The following GPR158 variants were observed in gnomAD, a reference collection of about 807,000 sequenced individuals.
GPR158 encodes the protein metabotropic glycine receptor.
GPR158 carries 30 observed loss-of-function variants against 78.2 expected under a neutral mutation model. The ratio of observed to expected loss-of-function variants is 0.38; its 90% CI spans 0.29 to 0.52. The LOEUF is 0.52. Ranked by LOEUF, GPR158 falls within the 20% of genes least tolerant of loss-of-function variation. GPR158 has a pLI of 0.83. For synonymous variants in GPR158, 581 were observed against 591.1 expected (o/e 0.98, Z 0.25); for missense variants, 1,463 against 1,523.5 (o/e 0.96, Z 0.66).
At chr10:25,324,997 T>A (rs758379791) in intron 2 of GPR158, among the ~76,000 whole-genome samples, 1 of 151,384 alleles carries the variant, frequency 6.6e-6, no homozygotes, top group Non-Finnish European at 1.5e-5. Flanking sequence ...CATCACAATA[T>A]CTGACTACTT....
At chr10:25,295,348 G>T (rs1335451654) in intron 2 of GPR158, among the ~76,000 whole-genome samples, 1 of 152,162 alleles carries the variant, frequency 6.6e-6, no homozygotes, top group Non-Finnish European at 1.5e-5. Flanking sequence ...CCATCAGCCA[G>T]AGTAACTGAC....
At chr10:25,289,713 C>T (rs1854407544) in intron 2 of GPR158, among the ~76,000 whole-genome samples, 1 of 152,128 alleles carries the variant, frequency 6.6e-6, no homozygotes, top group African/African-American at 2.4e-5. Context: ...AGCCACCGCG[C>T]CCAGCCGAAC....
intron 3 of GPR158, among the ~76,000 whole-genome samples, chr10:25,404,747 C>T (rs968357241): frequency 6.6e-6 from 1 of 151,986 alleles, no homozygotes; most frequent in East Asian, 1.9e-4. Flanking sequence ...TTTCACATAC[C>T]ATATAGATTT....
intron 2 of GPR158, among the ~76,000 whole-genome samples, chr10:25,368,534 G>A (rs1588828857): frequency 6.6e-6 from 1 of 151,908 alleles, no homozygotes; most frequent in East Asian, 2.0e-4. Context: ...ACCACAGTGA[G>A]ATACCATCTG....
intron 1 of GPR158, among the ~76,000 whole-genome samples, chr10:25,220,656 TAGAA>T (rs1365274553): frequency 1.3e-5 from 2 of 152,160 alleles, no homozygotes; most frequent in African/African-American, 4.8e-5. Flanking sequence ...GAAATAGAAG[TAGAA>T]AGAAATGAAC....
intron 2 of GPR158, among the ~76,000 whole-genome samples, chr10:25,330,859 A>G (rs990430582): frequency 6.6e-6 from 1 of 151,700 alleles, no homozygotes; most frequent in Admixed American, 6.6e-5. Context: ...GCATAATACA[A>G]TGTTTGTTCC....
rs183138669 is a variant in GPR158 at position 25,319,424 on chromosome 10, A to G, written c.1009-76487A>G. On this transcript the variant is annotated intron_variant, in intron 2 of 10. Transcript: ENST00000376351. ...GTGTTAATCTAACACAATGTCTTCT[A>G]CATAATGGGTATTCCATAGGATTTG... 3.4e-3 allele frequency among the ~76,000 whole-genome samples: 513 copies of G among 152,272 alleles called. 3 individuals are homozygous for G. The highest frequency in any genetic ancestry group is 0.011 in the African/African-American group (466 of 41,544).
intron 2 of GPR158, among the ~76,000 whole-genome samples, chr10:25,330,047 G>T (rs1855096672): frequency 6.6e-6 from 1 of 151,586 alleles, no homozygotes; most frequent in South Asian, 2.1e-4. Context: ...AAGTTTTAGG[G>T]TACATGTGCA....
chr10:25,483,881 A>G (rs1057461899), intron 5 of GPR158, among the ~76,000 whole-genome samples: 2 of 152,300 alleles, frequency 1.3e-5, no homozygotes, highest in East Asian at 1.9e-4. Flanking sequence ...TGCTGCATCT[A>G]TTTCCATCAC....
chr10:25,306,565 G>A (rs922596413), intron 2 of GPR158, among the ~76,000 whole-genome samples: 1 of 152,010 alleles, frequency 6.6e-6, no homozygotes, highest in Non-Finnish European at 1.5e-5. Context: ...ATGCATGTAT[G>A]TATATGCACA....
At chr10:25,490,806 C>A (rs986340047) in intron 5 of GPR158, among the ~76,000 whole-genome samples, 1 of 151,166 alleles carries the variant, frequency 6.6e-6, no homozygotes, top group Non-Finnish European at 1.5e-5. Flanking sequence ...GGGTATATAC[C>A]CAGTAATGGG....
At chr10:25,347,856 C>T (rs1489869463) in intron 2 of GPR158, among the ~76,000 whole-genome samples, 1 of 151,842 alleles carries the variant, frequency 6.6e-6, no homozygotes, top group Non-Finnish European at 1.5e-5. Context: ...TACCTGATCA[C>T]AGCCATACAA....
At chr10:25,411,504 G>T (rs927512157) in intron 3 of GPR158, among the ~76,000 whole-genome samples, 1 of 152,138 alleles carries the variant, frequency 6.6e-6, no homozygotes, top group Non-Finnish European at 1.5e-5. Context: ...AGGTCAAGAA[G>T]TTCCCAAAGG....
chr10:25,534,029 G>A (rs1267226537), intron 5 of GPR158, among the ~76,000 whole-genome samples: 2 of 152,210 alleles, frequency 1.3e-5, no homozygotes, highest in African/African-American at 2.4e-5. Context: ...GAATTCATTA[G>A]ATGTTGTTAT....
intron 2 of GPR158, among the ~76,000 whole-genome samples, chr10:25,250,872 G>A (rs1364665698): frequency 6.6e-5 from 10 of 151,348 alleles, no homozygotes; most frequent in Non-Finnish European, 1.5e-4. Context: ...TATCCTTGTT[G>A]ACTTTCTGTC....
intron 2 of GPR158, among the ~76,000 whole-genome samples, chr10:25,386,587 T>C (rs1834225286): frequency 1.1e-5 from 1 of 89,204 alleles, no homozygotes; most frequent in Non-Finnish European, 3.0e-5. Context: ...GAACACTGGA[T>C]GTCACTGTCA....
intron 5 of GPR158, among the ~76,000 whole-genome samples, chr10:25,523,922 A>C (rs1371028458): frequency 3.3e-5 from 5 of 152,184 alleles, no homozygotes; most frequent in Admixed American, 2.6e-4. Context: ...GATCTTATAG[A>C]GAGAAAACTC....
chr10:25,335,214 T>C lies in GPR158; in HGVS notation c.1009-60697T>C, dbSNP rs530316282. ...GCAAATGAGTGCTATCCTTGGATTT[T>C]CTTTTGGCATAAATACAAATGGATT... On this transcript the variant is annotated intron_variant, in intron 2 of 10. Coordinates refer to ENST00000376351, the MANE Select transcript of GPR158 (RefSeq NM_020752.3). Among the ~76,000 whole-genome samples the C allele has an allele frequency of 6.6e-5, 10 of 152,214 alleles. No individual in the cohort carries two copies. In the South Asian group the frequency reaches 2.1e-3, roughly 32 times the overall value.
chr10:25,508,694 C>G (rs1836045714), intron 5 of GPR158, among the ~76,000 whole-genome samples: 1 of 152,064 alleles, frequency 6.6e-6, no homozygotes, highest in Non-Finnish European at 1.5e-5. Flanking sequence ...GGCAGGTCAC[C>G]AGGGTCAATT....
Sources: gnomAD v4.1 joint callset for allele counts (sites outside exome capture counted in the v4.1 genomes callset) on GRCh38, gnomAD v4.1.1 for gene constraint, MANE v1.5 for transcripts, NCBI Gene and HGNC (gene_info 2026-07-23, HGNC 2026-07-21) for gene names.